The following RAB33A variants were observed in gnomAD, a reference collection of about 807,000 sequenced individuals.
RAB33A encodes RAB33A, member RAS oncogene family.
Under a neutral mutation model 12.0 loss-of-function variants are expected in RAB33A, and 6 were observed. The observed-to-expected ratio is 0.50, with a 90% CI of 0.27 to 0.99. The LOEUF is 0.99. RAB33A is among the 50% of genes least tolerant of loss of function. The pLI is 0.11. For missense variants in RAB33A, 109 were observed against 192.0 expected (o/e 0.57, Z 2.55); for synonymous variants, 70 against 82.4 (o/e 0.85, Z 0.81).
the RAB33A span, among the ~76,000 whole-genome samples, chrX:130,111,865 A>C: frequency 8.9e-6 from 1 of 111,794 alleles, no homozygotes; most frequent in Non-Finnish European, 1.9e-5. Flanking sequence ...GTCTGCTGAT[A>C]GGAGGCTCTG....
the RAB33A span, among the ~76,000 whole-genome samples, chrX:130,162,848 T>C: frequency 3.6e-5 from 4 of 112,180 alleles, no homozygotes; most frequent in Non-Finnish European, 7.5e-5. Flanking sequence ...TTATCTAACC[T>C]ATCTGCTCCT....
chrX:130,164,813 T>C, the RAB33A span, among the ~76,000 whole-genome samples: 2 of 111,814 alleles, frequency 1.8e-5, no homozygotes, highest in Non-Finnish European at 1.9e-5. Flanking sequence ...TATGTGACCT[T>C]TGGCAAGTAA....
upstream of RAB33A, among the ~76,000 whole-genome samples, chrX:130,167,527 T>C (rs779403668): frequency 4.6e-3 from 517 of 112,235 alleles, 3 homozygotes; most frequent in African/African-American, 0.016. Context: ...TGAATCACTT[T>C]AGGTCAGGAG....
intron 1 of RAB33A, among the ~76,000 whole-genome samples, chrX:130,177,451 A>G (rs2031675038): frequency 8.9e-6 from 1 of 112,286 alleles, no homozygotes; most frequent in African/African-American, 3.2e-5. Flanking sequence ...GGAGGTTAAA[A>G]GACTTGTCTG....
intron 1 of RAB33A, among the ~76,000 whole-genome samples, chrX:130,177,267 C>T (rs889532001): frequency 8.9e-6 from 1 of 112,526 alleles, no homozygotes; most frequent in Non-Finnish European, 1.9e-5. Flanking sequence ...AGGAACCATA[C>T]CAACAGGAGA....
chrX:130,166,761 T>TA, the RAB33A span, among the ~76,000 whole-genome samples: 65 of 112,113 alleles, frequency 5.8e-4, no homozygotes, highest in African/African-American at 1.7e-3. Flanking sequence ...TGGTTCGACT[T>TA]ACAATTTTTC....
chrX:130,154,305 A>G, the RAB33A span, among the ~76,000 whole-genome samples: 1 of 111,793 alleles, frequency 8.9e-6, no homozygotes, highest in African/African-American at 3.3e-5. Flanking sequence ...TGCATGGTCA[A>G]CTCTGTGGAG....
the RAB33A span, among the ~76,000 whole-genome samples, chrX:130,121,346 G>C: frequency 9.4e-6 from 1 of 106,392 alleles, no homozygotes; most frequent in Non-Finnish European, 1.9e-5. Context: ...CCACCCCCGG[G>C]TTCAAGCGAT....
chrX:130,184,277 T>C lies in RAB33A; in HGVS notation c.259-8T>C. The C allele has an allele frequency of 2.5e-6, 3 of 1,199,773 alleles. No individual in the cohort carries two copies. Among genetic ancestry groups the C allele is most frequent in the Non-Finnish European group, 3.4e-6 (3 of 887,824 alleles). On this transcript the variant is annotated splice_region_variant and splice_polypyrimidine_tract_variant and intron_variant, in intron 1 of 1. Coordinates refer to ENST00000257017, the MANE Select transcript of RAB33A (RefSeq NM_004794.3). The stretch of plus-strand genomic sequence containing the variant: ...CTGACTCCACCTTTGGGTTTTTGTA[T>C]CTTCCAGGTTCAGGTGTGGGACACA...
chrX:130,134,248 GA>G, the RAB33A span, among the ~76,000 whole-genome samples: 164 of 107,000 alleles, frequency 1.5e-3, 2 homozygotes, highest in African/African-American at 5.1e-3. Context: ...AAAAAAAAAA[GA>G]AAAAAAAATC....
At chrX:130,128,604 A>C in the RAB33A span, among the ~76,000 whole-genome samples, 1 of 112,555 alleles carries the variant, frequency 8.9e-6, no homozygotes, top group African/African-American at 3.2e-5. Flanking sequence ...GATTTTTAAA[A>C]GTTAAGCAAT....
the RAB33A span, among the ~76,000 whole-genome samples, chrX:130,135,125 C>T: frequency 9.3e-6 from 1 of 107,337 alleles, no homozygotes. Flanking sequence ...TGTTGTTGCC[C>T]AGGCTGGAGG....
At chrX:130,136,124 G>A in the RAB33A span, 2 of 1,211,751 alleles carry the variant, frequency 1.7e-6, no homozygotes, top group Non-Finnish European at 2.2e-6. Context: ...CAGGCCACCA[G>A]TCTTGGCCAA....
the RAB33A span, chrX:130,149,556 T>C: frequency 5.3e-5 from 63 of 1,198,082 alleles, no homozygotes; most frequent in East Asian, 1.7e-3. Flanking sequence ...TCCTCTTTCA[T>C]AGTCTTGTAG....
At chrX:130,150,326 CTTTTTTTTT>C in the RAB33A span, among the ~76,000 whole-genome samples, 6 of 61,647 alleles carry the variant, frequency 9.7e-5, no homozygotes, top group African/African-American at 2.6e-4. Context: ...TTATTGGAGA[CTTTTTTTTT>C]TTTTTTTTTT....
chrX:130,174,903 T>C (rs2031648859), intron 1 of RAB33A, among the ~76,000 whole-genome samples: 1 of 110,548 alleles, frequency 9.0e-6, no homozygotes, highest in Admixed American at 9.7e-5. Flanking sequence ...CTCCAATCAT[T>C]ATGTTCCCCA....
the RAB33A span, among the ~76,000 whole-genome samples, chrX:130,164,312 AAGAGCAGTATGTCC>A: frequency 8.9e-6 from 1 of 112,862 alleles, no homozygotes; most frequent in African/African-American, 3.2e-5. Flanking sequence ...TTTAAGTTCC[AAGAGCAGTATGTCC>A]CAGGACATAA....
At chrX:130,156,378 A>T in the RAB33A span, 1 of 1,172,870 alleles carries the variant, frequency 8.5e-7, no homozygotes, top group Non-Finnish European at 1.2e-6. Context: ...AATTAGTTGC[A>T]AAAGTTTTAA....
chrX:130,118,260 C>T, the RAB33A span, among the ~76,000 whole-genome samples: 1 of 112,588 alleles, frequency 8.9e-6, no homozygotes, highest in South Asian at 3.6e-4. Flanking sequence ...TGGGGCCTGG[C>T]CCCAGATATC....
Sources: gnomAD v4.1 joint callset for allele counts (sites outside exome capture counted in the v4.1 genomes callset) on GRCh38, gnomAD v4.1.1 for gene constraint, MANE v1.5 for transcripts, NCBI Gene and HGNC (gene_info 2026-07-23, HGNC 2026-07-21) for gene names.